CCDC60: variants seen among roughly 807,000 people sequenced by gnomAD.
The protein encoded by CCDC60 is coiled-coil domain-containing protein 60.
A neutral mutation model predicts 63.5 loss-of-function variants in CCDC60; 54 were observed. That is an observed-to-expected ratio of 0.85 (90% CI 0.68 to 1.07). The LOEUF (loss-of-function observed/expected upper bound fraction) is 1.07, where lower values mean the gene tolerates loss of function less well. Ranked by LOEUF, CCDC60 falls within the 50% of genes least tolerant of loss-of-function variation. The pLI, the probability that CCDC60 is intolerant of heterozygous loss-of-function variation, is 0.00. For missense variants in CCDC60, 651 were observed against 684.3 expected (o/e 0.95, Z 0.54); for synonymous variants, 206 against 238.8 (o/e 0.86, Z 1.27).
intron 1 of CCDC60, among the ~76,000 whole-genome samples, chr12:119,416,628 A>AT (rs530218497): frequency 5.4e-4 from 82 of 151,990 alleles, no homozygotes; most frequent in African/African-American, 1.5e-3. Context: ...AGCTCAATAG[A>AT]TTTTTTTTTA....
rs372533333 is a variant in CCDC60 at position 119,506,527 on chromosome 12, C to T, written c.883+1224C>T. 4.6e-5 allele frequency among the ~76,000 whole-genome samples: 7 copies of T among 151,022 alleles called. No individual in the cohort carries two copies. The East Asian group carries it at 5.8e-4, about 13-fold the overall frequency. Reference sequence around the variant, plus strand: ...ACTCAGGAGGCTGAGGTGGGAGGATCGCTTGAGCCTAGGACGTAGGGGCTG... The same window carrying T: ...ACTCAGGAGGCTGAGGTGGGAGGATTGCTTGAGCCTAGGACGTAGGGGCTG... On this transcript the variant is annotated intron_variant, in intron 7 of 13. Transcript: ENST00000327554.
rs547301006 is a variant in CCDC60 at position 119,504,474 on chromosome 12, C to G, written c.649-595C>G. On this transcript the variant is annotated intron_variant, in intron 6 of 13. Transcript: ENST00000327554. ...GCCCACTACAACCGTGGCTCCTCCC[C>G]CAAGAATGCCACTGCACCAGACAAA... Among the ~76,000 whole-genome samples, 392 of 152,322 alleles carry G rather than the reference C, an allele frequency of 2.6e-3. 3 individuals carry two copies. The highest frequency in any genetic ancestry group is 0.014 in the Middle Eastern group (4 of 294).
chr12:119,525,486 C>G (rs977856003), intron 11 of CCDC60, among the ~76,000 whole-genome samples: 4 of 152,104 alleles, frequency 2.6e-5, no homozygotes, highest in Non-Finnish European at 5.9e-5. Context: ...GACTGGGGGG[C>G]TATATTCAAC....
At chr12:119,453,805 AG>A (rs1240143934) in intron 2 of CCDC60, among the ~76,000 whole-genome samples, 3 of 152,108 alleles carry the variant, frequency 2.0e-5, no homozygotes, top group Non-Finnish European at 4.4e-5. Context: ...AGGGAAGGGA[AG>A]AGGAGCAGGA....
intron 1 of CCDC60, among the ~76,000 whole-genome samples, chr12:119,378,769 A>T (rs1255201673): frequency 6.6e-6 from 1 of 152,226 alleles, no homozygotes; most frequent in Non-Finnish European, 1.5e-5. Flanking sequence ...CTCAAGGCAC[A>T]AGCCTATATA....
At chr12:119,344,504 C>T (rs1955566596) in intron 1 of CCDC60, among the ~76,000 whole-genome samples, 2 of 152,188 alleles carry the variant, frequency 1.3e-5, no homozygotes, top group Admixed American at 1.3e-4. Flanking sequence ...CCCAAGGTTA[C>T]TACCTGGTCC....
intron 2 of CCDC60, among the ~76,000 whole-genome samples, chr12:119,434,625 C>T (rs577529000): frequency 6.6e-6 from 1 of 152,104 alleles, no homozygotes; most frequent in Non-Finnish European, 1.5e-5. Context: ...TAAAGGGAAC[C>T]CTGGGCCCAA....
At chr12:119,489,433 G>A (rs1951532843) in intron 5 of CCDC60, among the ~76,000 whole-genome samples, 1 of 152,110 alleles carries the variant, frequency 6.6e-6, no homozygotes, top group Non-Finnish European at 1.5e-5. Flanking sequence ...GTTCCCTGGA[G>A]CAGCTGGGTT....
At chr12:119,379,508 G>T (rs1185570012) in intron 1 of CCDC60, among the ~76,000 whole-genome samples, 2 of 152,238 alleles carry the variant, frequency 1.3e-5, no homozygotes, top group East Asian at 3.8e-4. Flanking sequence ...CATGGCAGAG[G>T]TGGGTAAGCT....
At chr12:119,505,410 C>A in intron 7 of CCDC60, 107 bp downstream of exon 7, 1 of 699,908 alleles carries the variant, frequency 1.4e-6, no homozygotes, top group Non-Finnish European at 2.4e-6. Flanking sequence ...TTAAAGGTGA[C>A]ATGGGATCCC....
chr12:119,451,302 T>C (rs1320943989), intron 2 of CCDC60, among the ~76,000 whole-genome samples: 1 of 152,116 alleles, frequency 6.6e-6, no homozygotes, highest in Non-Finnish European at 1.5e-5. Flanking sequence ...GCTAAACATA[T>C]CTGTTTAGCT....
intron 7 of CCDC60, among the ~76,000 whole-genome samples, chr12:119,507,062 C>T (rs142896531): frequency 7.2e-5 from 11 of 152,222 alleles, no homozygotes; most frequent in African/African-American, 1.4e-4. Flanking sequence ...ACAACACTGG[C>T]GGCCAGTGTT....
chr12:119,490,187 G>GTCATCTCTTACACCAA (rs1566038769), intron 5 of CCDC60, among the ~76,000 whole-genome samples: 1 of 151,968 alleles, frequency 6.6e-6, no homozygotes, highest in Non-Finnish European at 1.5e-5. Context: ...TCTTACACCA[G>GTCATCTCTTACACCAA]GACCCAGAGA....
intron 1 of CCDC60, among the ~76,000 whole-genome samples, chr12:119,415,522 T>A (rs181775824): frequency 2.6e-5 from 4 of 152,130 alleles, no homozygotes; most frequent in African/African-American, 9.6e-5. Flanking sequence ...GGCAATGGAG[T>A]CATGGGATTG....
Position 119,513,904 on chromosome 12 carries a change from C to T in CCDC60, c.884-2719C>T, listed in dbSNP as rs537249626. 3.9e-5 allele frequency among the ~76,000 whole-genome samples: 6 copies of T among 152,248 alleles called. No individual in the cohort carries two copies. The South Asian group carries it at 1.0e-3, about 26-fold the overall frequency. ...GGTACTGGTTTATATAAGTACTACA[C>T]TTTATTTTCTATTGTAATTTTAGAG... On this transcript the variant is annotated intron_variant, in intron 7 of 13. Transcript: ENST00000327554.
chr12:119,434,440 C>T (rs1260175725), intron 2 of CCDC60, among the ~76,000 whole-genome samples: 1 of 152,122 alleles, frequency 6.6e-6, no homozygotes, highest in Admixed American at 6.5e-5. Flanking sequence ...GACAAGACTC[C>T]TGTCTTTGAT....
chr12:119,459,951 G>A (rs1950824918), intron 2 of CCDC60, among the ~76,000 whole-genome samples: 1 of 152,138 alleles, frequency 6.6e-6, no homozygotes. Context: ...TTGCAATAAT[G>A]CTATCTCAGT....
chr12:119,527,328 TG>T (rs1265274353), intron 11 of CCDC60, among the ~76,000 whole-genome samples: 1 of 152,180 alleles, frequency 6.6e-6, no homozygotes, highest in Non-Finnish European at 1.5e-5. Flanking sequence ...GCTTAATACC[TG>T]GGTGATGTAG....
intron 1 of CCDC60, among the ~76,000 whole-genome samples, chr12:119,395,252 G>C (rs572631325): frequency 6.6e-6 from 1 of 152,340 alleles, no homozygotes; most frequent in Admixed American, 6.5e-5. Flanking sequence ...TTGAGCAAGA[G>C]CATGTGTATT....
Sources: gnomAD v4.1 joint callset for allele counts (sites outside exome capture counted in the v4.1 genomes callset) on GRCh38, gnomAD v4.1.1 for gene constraint, MANE v1.5 for transcripts, NCBI Gene and HGNC (gene_info 2026-07-23, HGNC 2026-07-21) for gene names.